VAV2: variants seen among roughly 807,000 people sequenced by gnomAD.
The protein encoded by VAV2 is guanine nucleotide exchange factor VAV2.
A neutral mutation model predicts 132.5 loss-of-function variants in VAV2; 67 were observed. The observed-to-expected ratio is 0.51, with a 90% CI of 0.42 to 0.62. The LOEUF is 0.62. Ranked by LOEUF, VAV2 falls within the 20% of genes least tolerant of loss-of-function variation. The probability of loss-of-function intolerance (pLI) is 0.00; values close to 1 mark genes in which losing one functional copy is unlikely to be tolerated. For synonymous variants in VAV2, 492 were observed against 443.5 expected, an observed-to-expected ratio of 1.11 and a Z score of -1.37; for missense variants, 938 against 1,153.6, an observed-to-expected ratio of 0.81 and a Z score of 2.71.
chr9:133,783,495 G>A lies in VAV2; in HGVS notation c.1723+8C>T, dbSNP rs769762517. ...GGACTGGGGTGGGGGGGTGAGGGGG[G>A]TACTCACTGAACTTGCAGGGAGGTA... On this transcript the variant is annotated splice_region_variant and intron_variant, in intron 19 of 29. Transcript: ENST00000371850. 6.2e-7 allele frequency: 1 copy of A among 1,604,322 alleles called. No individual in the cohort carries two copies. The highest frequency in any genetic ancestry group is 8.5e-7 in the Non-Finnish European group (1 of 1,173,640).
intron 2 of VAV2, among the ~76,000 whole-genome samples, chr9:133,871,546 T>A (rs1838056886): frequency 6.6e-6 from 1 of 151,618 alleles, no homozygotes; most frequent in Admixed American, 6.6e-5. Flanking sequence ...CTCAGAGAGA[T>A]CCCTTTGCCC....
At chr9:133,907,812 G>T (rs1839717489) in intron 2 of VAV2, among the ~76,000 whole-genome samples, 1 of 152,216 alleles carries the variant, frequency 6.6e-6, no homozygotes, top group African/African-American at 2.4e-5. Flanking sequence ...AACTGCAGTG[G>T]CACAGACGGC....
At chr9:133,982,574 G>A (rs77750633) in intron 1 of VAV2, among the ~76,000 whole-genome samples, 7,052 of 152,036 alleles carry the variant, frequency 0.046, 403 homozygotes, top group African/African-American at 0.14. Flanking sequence ...CTGGCTGGCG[G>A]GGCAGGAGGG....
intron 21 of VAV2, 100 bp downstream of exon 21, chr9:133,779,818 G>C: frequency 4.7e-6 from 7 of 1,492,286 alleles, no homozygotes; most frequent in Non-Finnish European, 6.3e-6. Flanking sequence ...GCGTCTGGTG[G>C]CTGGGCAGAC....
chr9:133,976,653 C>T (rs1037315715), intron 1 of VAV2, among the ~76,000 whole-genome samples: 4 of 152,248 alleles, frequency 2.6e-5, no homozygotes, highest in South Asian at 4.1e-4. Flanking sequence ...CTCTCCCCAG[C>T]GCCTTCTCCC....
At chr9:133,965,484 G>A (rs1384252467) in intron 1 of VAV2, among the ~76,000 whole-genome samples, 2 of 132,184 alleles carry the variant, frequency 1.5e-5, no homozygotes, top group Non-Finnish European at 3.2e-5. Flanking sequence ...GGATGACAGA[G>A]CGAGACTGTC....
At position 133,768,475 on chromosome 9, in the gene VAV2, G is replaced by A. The variant is rs770008497; in HGVS notation, c.2556C>T (p.Asp852=). The change falls in exon 29 of 30, where the codon GAC becomes GAT. Residue 852 remains aspartate (D), a synonymous_variant. Coordinates refer to ENST00000371850, the MANE Select transcript of VAV2 (RefSeq NM_001134398.2). The surrounding 1 kb of genome is among the most constrained non-coding windows in gnomAD (Gnocchi z 5.3). ...TGGTCTCGCCCTTCCACCAGCCCTG[G>A]TCTCCGCCGATGCGGCTGTAGATCC... The part of the protein sequence containing the change: ...VVRIYSRIGG[D]QGWWKGETNG... 4 of 1,613,778 alleles carry A rather than the reference G, an allele frequency of 2.5e-6. No individual in the cohort carries two copies. The highest frequency in any genetic ancestry group is 2.5e-6 in the Non-Finnish European group (3 of 1,179,982).
rs78383803 is a variant in VAV2 at position 133,857,800 on chromosome 9, G to T, written c.380+3574C>A. 0.013 allele frequency among the ~76,000 whole-genome samples: 1,954 copies of T among 152,246 alleles called. 41 individuals are homozygous for T. Among genetic ancestry groups the T allele is most frequent in the African/African-American group, 0.044 (1,843 of 41,524 alleles). On this transcript the variant is annotated intron_variant, in intron 3 of 29. Transcript: ENST00000371850. The surrounding 1 kb of genome is among the most constrained non-coding windows in gnomAD (Gnocchi z 4.0). ...CCGGGTGAGCGTGTGAACCAGTGGA[G>T]GTCTGCGCTCAACCCCAAGGGCTGC...
At chr9:133,811,980 C>T (rs370686408) in intron 5 of VAV2, 134 bp downstream of exon 5, 12 of 844,528 alleles carry the variant, frequency 1.4e-5, no homozygotes, top group African/African-American at 6.6e-5. Context: ...CACCTCTGGA[C>T]GTCCCCCTGC....
At chr9:133,924,446 C>A (rs1189854454) in intron 2 of VAV2, among the ~76,000 whole-genome samples, 1 of 152,242 alleles carries the variant, frequency 6.6e-6, no homozygotes, top group Non-Finnish European at 1.5e-5. Context: ...CTCGGCCTCC[C>A]AAAGTGCCGG....
intron 2 of VAV2, among the ~76,000 whole-genome samples, chr9:133,906,274 G>A (rs576232571): frequency 1.2e-4 from 18 of 152,290 alleles, no homozygotes; most frequent in Admixed American, 6.5e-4. Context: ...TGATGGAAAC[G>A]CAGGGCTGTT....
At chr9:133,986,845 A>G (rs1316028102) in intron 1 of VAV2, among the ~76,000 whole-genome samples, 1 of 151,872 alleles carries the variant, frequency 6.6e-6, no homozygotes, top group East Asian at 1.9e-4. Context: ...GGGCACTTCC[A>G]TGTCGCTTTT....
chr9:133,841,404 T>C (rs1836718487), intron 3 of VAV2, among the ~76,000 whole-genome samples: 1 of 152,010 alleles, frequency 6.6e-6, no homozygotes, highest in African/African-American at 2.4e-5. Context: ...GGCTCCATCA[T>C]GCAGAGCTCG....
chr9:133,897,575 C>A (rs1232084643), intron 2 of VAV2, among the ~76,000 whole-genome samples: 1 of 152,156 alleles, frequency 6.6e-6, no homozygotes, highest in East Asian at 1.9e-4. Context: ...CCATGGTGGT[C>A]AAGCCAGAGA....
rs1838390857 is a variant in VAV2 at position 133,879,246 on chromosome 9, T to C, written c.322-17814A>G. ...TTCCTCACTCAGGTGTGCAATACACTTTGAGCAGCTGCTGCGTACCAAGCA... is the reference window on the plus strand; with the variant it reads ...TTCCTCACTCAGGTGTGCAATACACCTTGAGCAGCTGCTGCGTACCAAGCA... On this transcript the variant is annotated intron_variant, in intron 2 of 29. Transcript: ENST00000371850. The surrounding 1 kb of genome is among the most constrained non-coding windows in gnomAD (Gnocchi z 4.4). Among the ~76,000 whole-genome samples the C allele has an allele frequency of 6.6e-6, 1 of 152,048 alleles. No individual in the cohort carries two copies. The highest frequency in any genetic ancestry group is 2.1e-4 in the South Asian group (1 of 4,814).
intron 2 of VAV2, among the ~76,000 whole-genome samples, chr9:133,886,317 T>C (rs1838706400): frequency 1.3e-5 from 2 of 152,152 alleles, no homozygotes; most frequent in African/African-American, 2.4e-5. Context: ...AAAGCCTCCA[T>C]CCTGGAGGAG....
At chr9:133,796,658 G>A in intron 10 of VAV2, 134 bp from the exon 11 acceptor site, 1 of 751,550 alleles carries the variant, frequency 1.3e-6, no homozygotes, top group Non-Finnish European at 2.1e-6. Context: ...TCTCTAGCCA[G>A]GCTCCCGGAA....
At chr9:133,897,204 T>C (rs1588333411) in intron 2 of VAV2, among the ~76,000 whole-genome samples, 1 of 152,124 alleles carries the variant, frequency 6.6e-6, no homozygotes. Flanking sequence ...CGCGGGAAAA[T>C]GAGCTGACAC....
chr9:133,913,778 G>A (rs1211458309), intron 2 of VAV2, among the ~76,000 whole-genome samples: 2 of 152,206 alleles, frequency 1.3e-5, no homozygotes, highest in Non-Finnish European at 2.9e-5. Flanking sequence ...AGTGAGCCTC[G>A]GGGCCGGCTG....
Sources: gnomAD v4.1 joint callset for allele counts (sites outside exome capture counted in the v4.1 genomes callset) on GRCh38, gnomAD v4.1.1 for gene constraint, Gnocchi (gnomAD v3.1) non-coding constraint, MANE v1.5 for transcripts, NCBI Gene and HGNC (gene_info 2026-07-23, HGNC 2026-07-21) for gene names.